INPP5F: variants seen among roughly 807,000 people sequenced by gnomAD.
The protein encoded by INPP5F is phosphatidylinositide 4-phosphatase SAC2.
Under a neutral mutation model 137.2 loss-of-function variants are expected in INPP5F, and 97 were observed. That is an observed-to-expected ratio of 0.71 (90% CI 0.60 to 0.84). The LOEUF is 0.84. Among genes scored for constraint, INPP5F ranks in the 40% least tolerant of loss-of-function variants. The pLI is 0.00. For synonymous variants in INPP5F, 504 were observed against 476.9 expected, an observed-to-expected ratio of 1.06 and a Z score of -0.74; for missense variants, 1,271 against 1,371.9, an observed-to-expected ratio of 0.93 and a Z score of 1.16.
At chr10:119,738,919 T>C (rs990710711) in intron 1 of INPP5F, among the ~76,000 whole-genome samples, 1 of 152,040 alleles carries the variant, frequency 6.6e-6, no homozygotes, top group African/African-American at 2.4e-5. Context: ...TGGTGGCTCA[T>C]GCCTGTAATC....
chr10:119,826,755 A>G lies in INPP5F; in HGVS notation c.2374A>G (p.Lys792Glu). 1.2e-6 allele frequency: 2 copies of G among 1,613,952 alleles called. No individual in the cohort carries two copies. The highest frequency in any genetic ancestry group is 1.7e-6 in the Non-Finnish European group (2 of 1,179,954). ...SSLNQKVKQT[K>E]SNVNIGNLRK... ...TCTAAATCAAAAAGTGAAGCAGACC[A>G]AATCCAATGTAAATATTGGCAACCT... is the stretch of plus-strand genomic sequence containing the variant. The change falls in exon 20 of 20, where the codon AAA becomes GAA. Residue 792 changes from lysine to glutamate, a missense_variant. Around this residue, in one of 6 missense-constraint regions of INPP5F, gnomAD observed 490 missense variants for 443.7 expected, o/e 1.10. Transcript: ENST00000650623.
chr10:119,800,674 C>T (rs1850556652), intron 9 of INPP5F, among the ~76,000 whole-genome samples: 1 of 152,052 alleles, frequency 6.6e-6, no homozygotes, highest in African/African-American at 2.4e-5. Flanking sequence ...CAAAAGGGCT[C>T]CACTTCATTA....
intron 4 of INPP5F, 23 bp downstream of exon 4, chr10:119,791,668 C>T: frequency 5.7e-6 from 9 of 1,566,674 alleles, no homozygotes; most frequent in Non-Finnish European, 7.8e-6. Context: ...TTGATATAGG[C>T]TTTGAATTCA....
chr10:119,766,092 T>C (rs1849158004), intron 2 of INPP5F, among the ~76,000 whole-genome samples: 1 of 151,954 alleles, frequency 6.6e-6, no homozygotes, highest in South Asian at 2.1e-4. Flanking sequence ...TAAGTCTCAG[T>C]TGGAATCCAA....
chr10:119,773,911 T>C (rs1325821158), intron 2 of INPP5F, among the ~76,000 whole-genome samples: 2 of 152,192 alleles, frequency 1.3e-5, no homozygotes, highest in Non-Finnish European at 2.9e-5. Context: ...TCAATTTCTT[T>C]TCAAAATCTT....
chr10:119,822,331 G>C (rs1024684000), intron 16 of INPP5F, 100 bp from the exon 17 acceptor site: 3 of 547,844 alleles, frequency 5.5e-6, no homozygotes, highest in Non-Finnish European at 9.8e-6. Context: ...GGAAGATTTT[G>C]TTAACTGTAT....
At chr10:119,770,207 T>A (rs72826416) in intron 2 of INPP5F, among the ~76,000 whole-genome samples, 5,003 of 152,260 alleles carry the variant, frequency 0.033, 116 homozygotes, top group Non-Finnish European at 0.053. Context: ...CAAAATTGAC[T>A]TTTTCCCCCA....
intron 2 of INPP5F, among the ~76,000 whole-genome samples, chr10:119,781,168 A>G (rs1173565764): frequency 6.6e-6 from 1 of 152,238 alleles, no homozygotes; most frequent in African/African-American, 2.4e-5. Flanking sequence ...AATAGGCTTC[A>G]GTGTATATAC....
chr10:119,786,025 A>T (rs1033783952), intron 3 of INPP5F, among the ~76,000 whole-genome samples: 25 of 152,184 alleles, frequency 1.6e-4, no homozygotes, highest in Non-Finnish European at 3.5e-4. Flanking sequence ...GCCTTAATGG[A>T]TAACCGCATC....
intron 19 of INPP5F, 95 bp from the exon 20 acceptor site, chr10:119,826,536 A>G (rs1851766796): frequency 9.9e-7 from 1 of 1,013,832 alleles, no homozygotes; most frequent in Non-Finnish European, 1.5e-6. Context: ...AGAAGTTGGG[A>G]CCAATTTGAA....
At chr10:119,817,987 C>T (rs755624091) in intron 15 of INPP5F, among the ~76,000 whole-genome samples, 3 of 152,228 alleles carry the variant, frequency 2.0e-5, no homozygotes, top group Admixed American at 2.0e-4. Context: ...TCTGGAAATG[C>T]GCAGTCCCAG....
intron 1 of INPP5F, among the ~76,000 whole-genome samples, chr10:119,728,743 C>T (rs908448279): frequency 1.3e-5 from 2 of 152,192 alleles, no homozygotes; most frequent in African/African-American, 4.8e-5. Flanking sequence ...ATGTTTGTTA[C>T]TGTCAACCCC....
chr10:119,798,786 C>CTTTTTTTTTTT (rs374141329), intron 9 of INPP5F, among the ~76,000 whole-genome samples, 176 bp downstream of exon 9: 1 of 100,692 alleles, frequency 9.9e-6, no homozygotes, highest in African/African-American at 3.6e-5. Context: ...GAGTCAGCTA[C>CTTTTTTTTTTT]TTTTTTTTTT....
At position 119,820,909 on chromosome 10, in the gene INPP5F, C is replaced by T. The variant is rs766508312; in HGVS notation, c.1950C>T (p.Tyr650=). The change falls in exon 16 of 20, where the codon TAC becomes TAT. Residue 650 remains tyrosine (Y), a synonymous_variant. Coordinates refer to ENST00000650623, the MANE Select transcript of INPP5F (RefSeq NM_014937.4). ...TACTGCTTTCTAACTCTGCCTACTA[C>T]GTGGCCTAGTAAGTTGCTTATTGAT... ...VLLLLSNSAY[Y]VAYYDDEVDK... The T allele has an allele frequency of 1.1e-5, 18 of 1,598,730 alleles. No individual in the cohort carries two copies. The highest frequency in any genetic ancestry group is 2.7e-5 in the African/African-American group (2 of 74,612).
At chr10:119,812,299 A>T (rs1276467455) in intron 15 of INPP5F, among the ~76,000 whole-genome samples, 1 of 152,240 alleles carries the variant, frequency 6.6e-6, no homozygotes, top group South Asian at 2.1e-4. Flanking sequence ...GTGCAACAAG[A>T]GGTGTAGTGA....
chr10:119,773,950 T>A (rs978695251), intron 2 of INPP5F, among the ~76,000 whole-genome samples: 1 of 152,162 alleles, frequency 6.6e-6, no homozygotes, highest in African/African-American at 2.4e-5. Context: ...ATTTAGTCTT[T>A]CAAGTGAAAT....
At chr10:119,739,263 A>G (rs2134108307) in intron 1 of INPP5F, among the ~76,000 whole-genome samples, 1 of 152,320 alleles carries the variant, frequency 6.6e-6, no homozygotes, top group South Asian at 2.1e-4. Flanking sequence ...TGTAATATTT[A>G]TTGAAAGATA....
intron 2 of INPP5F, among the ~76,000 whole-genome samples, chr10:119,776,708 C>CAG (rs1470473203): frequency 6.6e-5 from 10 of 150,838 alleles, no homozygotes; most frequent in Admixed American, 3.3e-4. Flanking sequence ...GTGTGACCCA[C>CAG]AGAGAGAGAG....
At chr10:119,765,492 C>T (rs1368396635) in intron 2 of INPP5F, among the ~76,000 whole-genome samples, 1 of 151,782 alleles carries the variant, frequency 6.6e-6, no homozygotes, top group Non-Finnish European at 1.5e-5. Context: ...ATGCTTCAGC[C>T]TCTTGAGTAG....
Sources: allele counts gnomAD v4.1 joint callset (sites outside exome capture counted in the v4.1 genomes callset), GRCh38; gene constraint gnomAD v4.1.1; regional missense constraint gnomAD v4.1.1; transcripts MANE v1.5; gene names NCBI Gene and HGNC (gene_info 2026-07-23, HGNC 2026-07-21).